Variants in ANKRD42 observed in about 807,000 individuals in gnomAD.
The protein encoded by ANKRD42 is ankyrin repeat domain 42.
A neutral mutation model predicts 51.5 loss-of-function variants in ANKRD42; 43 were observed. That is an observed-to-expected ratio of 0.83 (90% CI 0.65 to 1.08). The LOEUF (loss-of-function observed/expected upper bound fraction) is 1.08. Among genes scored for constraint, ANKRD42 ranks in the 50% least tolerant of loss-of-function variants. ANKRD42 has a pLI of 0.00. For synonymous variants in ANKRD42, 203 were observed against 213.0 expected (o/e 0.95, Z 0.41); for missense variants, 608 against 629.3 (o/e 0.97, Z 0.36).
Position 83,194,403 on chromosome 11 carries a change from C to T in ANKRD42, c.-268C>T. On this transcript the variant is annotated 5_prime_UTR_variant, in exon 1 of 11. Coordinates refer to ENST00000533342, the MANE Select transcript of ANKRD42 (RefSeq NM_001300975.2). ...CTTGGGAGGAAGTAAGTGGAGACCGCGGCTACGCAGCCAGCGACTCCTCTG... is the reference window on the plus strand; with the variant it reads ...CTTGGGAGGAAGTAAGTGGAGACCGTGGCTACGCAGCCAGCGACTCCTCTG... 1.5e-6 allele frequency: 1 copy of T among 669,804 alleles called. No individual in the cohort carries two copies. 41.5% of individuals were successfully genotyped at this position (669,804 alleles called of 1,614,324 possible).
chr11:83,229,314 A>G (rs1172263024), intron 7 of ANKRD42, among the ~76,000 whole-genome samples: 4 of 152,184 alleles, frequency 2.6e-5, no homozygotes, highest in Non-Finnish European at 4.4e-5. Flanking sequence ...ATCTCCAAAT[A>G]CAGTTGGATT....
Position 83,194,335 on chromosome 11 carries a change from T to TGGGA in ANKRD42, c.-326_-323dup, listed in dbSNP as rs754310180. The TGGGA allele has an allele frequency of 1.1e-5, 6 of 546,154 alleles. No homozygotes were observed. In the Middle Eastern group the frequency reaches 1.4e-3, roughly 127 times the overall value. The allele number at this position is 546,154 out of a possible 1,614,324, so 33.8% of individuals were successfully genotyped here. A position where few individuals can be genotyped will look rare whatever the true frequency, so the allele number is the denominator to read the frequency against. On this transcript the variant is annotated 5_prime_UTR_variant, in exon 1 of 11. Coordinates refer to ENST00000533342, the MANE Select transcript of ANKRD42 (RefSeq NM_001300975.2). ...TCGCAGTCGCCGCTTCAGTGGCTCC[T>TGGGA]GGGAGGGAGGGAGTGTCGAAGGCGG...
rs377105157 is a variant in ANKRD42 at position 83,240,812 on chromosome 11, T to C, written c.1073T>C (p.Ile358Thr). ...TTAGAGGAGCTACAGAAATATGATA[T>C]AGATGACGAAAATGAAATTGATGAA... The part of the protein sequence containing the change: ...KLLEELQKYD[I>T]DDENEIDEND... Residue 358 changes from isoleucine to threonine, a missense_variant, in exon 9 of 11, where the codon ATA becomes ACA. By Grantham distance (89) the Ile-to-Thr change is moderately conservative (BLOSUM62 -1). Coordinates refer to ENST00000533342, the MANE Select transcript of ANKRD42 (RefSeq NM_001300975.2). The C allele has an allele frequency of 3.1e-6, 5 of 1,614,128 alleles. No homozygotes were observed. The Admixed American group carries it at 8.3e-5, about 27-fold the overall frequency.
At chr11:83,207,443 G>C (rs1325706113) in intron 3 of ANKRD42, among the ~76,000 whole-genome samples, 3 of 152,182 alleles carry the variant, frequency 2.0e-5, no homozygotes, top group Non-Finnish European at 4.4e-5. Flanking sequence ...AAATATAGAT[G>C]AGAAGAATTG....
Position 83,248,191 on chromosome 11 carries a change from A to G in ANKRD42, c.1571A>G (p.Tyr524Cys), listed in dbSNP as rs956770705. 4 of 1,505,184 alleles carry G rather than the reference A, an allele frequency of 2.7e-6. No individual in the cohort carries two copies. In the African/African-American group the frequency reaches 4.2e-5, roughly 16 times the overall value. The allele number at this position is 1,505,184 out of a possible 1,614,324, so 93.2% of individuals were successfully genotyped here. A position where few individuals can be genotyped will look rare whatever the true frequency, so the allele number is the denominator to read the frequency against. Residue 524 changes from tyrosine to cysteine, a missense_variant, in exon 11 of 11, where the codon TAT (tyrosine) becomes TGT (cysteine). Tyr to Cys is a radical substitution (Grantham distance 194). Coordinates refer to ENST00000533342, the MANE Select transcript of ANKRD42 (RefSeq NM_001300975.2). The part of the protein sequence containing the change: ...GWGSLDLNPG[Y>C]SLF ...GGCTCTTTGGACTTGAATCCTGGCTATAGTCTTTTTTGATTTGGGCTACTC... is the reference window on the plus strand; with the variant it reads ...GGCTCTTTGGACTTGAATCCTGGCTGTAGTCTTTTTTGATTTGGGCTACTC...
In ANKRD42 at chr11:83,240,845, T is replaced by G; in HGVS notation, c.1106T>G (p.Val369Gly). 6.2e-7 allele frequency: 1 copy of G among 1,614,062 alleles called. No individual in the cohort carries two copies. Among genetic ancestry groups the G allele is most frequent in the South Asian group, 1.1e-5 (1 of 91,080 alleles). The change falls in exon 9 of 11, where the codon GTG becomes GGG. Residue 369 changes from valine to glycine, a missense_variant. By Grantham distance (109) the Val-to-Gly change is moderately radical. Coordinates refer to ENST00000533342, the MANE Select transcript of ANKRD42 (RefSeq NM_001300975.2). ...GAAAATGAAATTGATGAAAATGATG[T>G]GAAATATTTTATAAGACATGGTGTT... ...DDENEIDEND[V>G]KYFIRHGVEG...
chr11:83,212,520 C>T, intron 5 of ANKRD42: 1 of 840,522 alleles, frequency 1.2e-6, no homozygotes, highest in Non-Finnish European at 1.9e-6. Context: ...AAGTGGTCTA[C>T]AAATTCTAAA....
chr11:83,250,189 C>T (rs1264122071), downstream of ANKRD42, among the ~76,000 whole-genome samples: 4 of 152,172 alleles, frequency 2.6e-5, no homozygotes, highest in African/African-American at 9.7e-5. Flanking sequence ...CTGCCACCTT[C>T]TGGTCAGGAC....
chr11:83,210,044 T>G, intron 3 of ANKRD42: 1 of 375,374 alleles, frequency 2.7e-6, no homozygotes, highest in Non-Finnish European at 4.8e-6. Context: ...CTGGAAACTT[T>G]CCATTTTATT....
intron 1 of ANKRD42, 35 bp downstream of exon 1, chr11:83,194,763 G>A: frequency 1.3e-6 from 2 of 1,535,078 alleles, no homozygotes; most frequent in Non-Finnish European, 8.8e-7. Context: ...CATCTCTGTC[G>A]TATTCCTTTT....
chr11:83,257,163 C>T (rs186662248), downstream of ANKRD42: 264 of 349,326 alleles, frequency 7.6e-4, 1 homozygote, highest in African/African-American at 5.4e-3. Context: ...ATCAAATGCA[C>T]TCTTGTCAGG....
At chr11:83,212,894 AT>A in intron 5 of ANKRD42, 1 of 1,445,546 alleles carries the variant, frequency 6.9e-7, no homozygotes, top group East Asian at 2.5e-5. Flanking sequence ...TTTACTTTGT[AT>A]TTTGTAAGTT....
At chr11:83,195,306 G>A (rs1276128130) in intron 1 of ANKRD42, among the ~76,000 whole-genome samples, 2 of 152,156 alleles carry the variant, frequency 1.3e-5, no homozygotes, top group Non-Finnish European at 2.9e-5. Context: ...TAAGAAGACA[G>A]GCACATTCTT....
intron 3 of ANKRD42, among the ~76,000 whole-genome samples, chr11:83,208,127 G>A (rs1862150655): frequency 6.6e-6 from 1 of 152,052 alleles, no homozygotes; most frequent in African/African-American, 2.4e-5. Flanking sequence ...GGGCCCAAGT[G>A]ATCCTCCCAC....
intron 2 of ANKRD42, 33 bp downstream of exon 2, chr11:83,198,675 A>G (rs907702376): frequency 7.8e-6 from 12 of 1,532,162 alleles, no homozygotes; most frequent in East Asian, 7.4e-5. Flanking sequence ...AAACTGAGGT[A>G]AGTTTTAGCT....
intron 5 of ANKRD42, among the ~76,000 whole-genome samples, chr11:83,224,529 G>A (rs559569569): frequency 1.2e-4 from 18 of 152,282 alleles, no homozygotes; most frequent in Non-Finnish European, 1.8e-4. Flanking sequence ...TCTCTTCTCC[G>A]TGTTCCTGTC....
At chr11:83,204,955 A>G (rs1590965684) in intron 2 of ANKRD42, among the ~76,000 whole-genome samples, 1 of 152,204 alleles carries the variant, frequency 6.6e-6, no homozygotes, top group South Asian at 2.1e-4. Flanking sequence ...TAAGACCACA[A>G]TGAGATACCT....
Position 83,222,629 on chromosome 11 carries a change from A to G in ANKRD42, c.587-2226A>G, listed in dbSNP as rs79074649. 2.7e-3 allele frequency among the ~76,000 whole-genome samples: 414 copies of G among 152,322 alleles called. 4 individuals carry two copies. Among genetic ancestry groups the G allele is most frequent in the African/African-American group, 9.7e-3 (403 of 41,574 alleles). ...GAGGAAGAACATTTCAGGTAGAGGTAACAGCAAGTGTAAATCTCCTGAGGG... is the reference window on the plus strand; with the variant it reads ...GAGGAAGAACATTTCAGGTAGAGGTGACAGCAAGTGTAAATCTCCTGAGGG... On this transcript the variant is annotated intron_variant, in intron 5 of 10. Transcript: ENST00000533342.
At chr11:83,219,656 A>G (rs996064854) in intron 5 of ANKRD42, among the ~76,000 whole-genome samples, 5 of 152,206 alleles carry the variant, frequency 3.3e-5, no homozygotes, top group Non-Finnish European at 5.9e-5. Context: ...CAGTTATTGA[A>G]TGGTCGAAAC....
Sources: gnomAD v4.1 joint callset for allele counts (sites outside exome capture counted in the v4.1 genomes callset) on GRCh38, gnomAD v4.1.1 for gene constraint, MANE v1.5 for transcripts, NCBI Gene and HGNC (gene_info 2026-07-23, HGNC 2026-07-21) for gene names.